The following SLC30A8 variants were observed in gnomAD, a reference collection of about 807,000 sequenced individuals.
SLC30A8 encodes the protein solute carrier family 30 member 8.
Under a neutral mutation model 36.9 loss-of-function variants are expected in SLC30A8, and 27 were observed. The observed-to-expected ratio is 0.73, with a 90% confidence interval of 0.54 to 1.01. The LOEUF (loss-of-function observed/expected upper bound fraction) is 1.01, where lower values mean the gene tolerates loss of function less well. SLC30A8 is among the 50% of genes least tolerant of loss of function. The pLI, the probability that SLC30A8 is intolerant of heterozygous loss-of-function variation, is 0.00. For synonymous variants in SLC30A8, 164 were observed against 172.4 expected, an observed-to-expected ratio of 0.95 and a Z score of 0.38; for missense variants, 439 against 452.0, an observed-to-expected ratio of 0.97 and a Z score of 0.26.
At chr8:117,091,909 G>A (rs1170019211) in intron 2 of SLC30A8, among the ~76,000 whole-genome samples, 2 of 152,256 alleles carry the variant, frequency 1.3e-5, no homozygotes, top group Non-Finnish European at 2.9e-5. Context: ...AATGCACACA[G>A]GGTCCTCACT....
At chr8:117,061,175 A>C (rs942917003) in intron 2 of SLC30A8, among the ~76,000 whole-genome samples, 1 of 152,234 alleles carries the variant, frequency 6.6e-6, no homozygotes, top group African/African-American at 2.4e-5. Context: ...GTCCTTTTTC[A>C]GTGATTCTCA....
At chr8:117,172,376 G>A (rs1448118745) in intron 7 of SLC30A8, among the ~76,000 whole-genome samples, 160 bp from the exon 8 acceptor site, 1 of 152,146 alleles carries the variant, frequency 6.6e-6, no homozygotes, top group South Asian at 2.1e-4. Context: ...CCTTGTCTGT[G>A]TGAATGTAGC....
chr8:116,983,885 C>A (rs942445928), intron 1 of SLC30A8, among the ~76,000 whole-genome samples: 3 of 152,068 alleles, frequency 2.0e-5, no homozygotes, highest in South Asian at 4.1e-4. Flanking sequence ...CAGTCCTGTG[C>A]AATTTTTATC....
chr8:117,137,140 A>G (rs1821401777), intron 1 of SLC30A8, among the ~76,000 whole-genome samples: 1 of 151,838 alleles, frequency 6.6e-6, no homozygotes, highest in Admixed American at 6.6e-5. Flanking sequence ...GTACCCATAC[A>G]TGCACCATGT....
At chr8:116,950,581 T>C (rs1267318359), upstream of SLC30A8, 5 of 152,320 alleles carry the variant, frequency 3.3e-5, no homozygotes, top group Admixed American at 2.6e-4. Flanking sequence ...AAACTGTTTA[T>C]CAGCTCTTAA....
rs769641171 is a variant in SLC30A8, at chr8:117,171,063, G to A, written c.859G>A (p.Val287Met). Reference sequence around the variant, plus strand: ...GCCAAAGAGCCTGAATTACAGTGGTGTGAAAGAGCTTATTTTAGCAGTCGA... The same window carrying A: ...GCCAAAGAGCCTGAATTACAGTGGTATGAAAGAGCTTATTTTAGCAGTCGA... ...GVPKSLNYSG[V>M]KELILAVDGV... The change falls in exon 7 of 8, where the codon GTG (valine) becomes ATG (methionine). Residue 287 changes from valine (V) to methionine (M), a missense_variant. Transcript: ENST00000456015. 2 of 1,610,352 alleles carry A rather than the reference G, an allele frequency of 1.2e-6. No individual in the cohort carries two copies. Among genetic ancestry groups the A allele is most frequent in the Non-Finnish European group, 1.7e-6 (2 of 1,178,230 alleles).
Position 117,175,365 on chromosome 8 carries a change from T to C in SLC30A8, c.*2684T>C, listed in dbSNP as rs1313809183. ...CCTACTTAAGATTTATCTAGGGCTC[T>C]GTGGTGATGTTAGGACCCATAAAAG... On this transcript the variant is annotated 3_prime_UTR_variant, in exon 8 of 8. Coordinates refer to ENST00000456015, the MANE Select transcript of SLC30A8 (RefSeq NM_173851.3). The C allele has an allele frequency of 3.9e-5, 6 of 152,146 alleles. No homozygotes were observed. Among genetic ancestry groups the C allele is most frequent in the Non-Finnish European group, 7.4e-5 (5 of 68,002 alleles). The allele number at this position is 152,146 out of a possible 1,614,324, so 9.4% of individuals were successfully genotyped here. A position where few individuals can be genotyped will look rare whatever the true frequency, so the allele number is the denominator to read the frequency against.
chr8:117,016,670 A>AT (rs1816530043), intron 1 of SLC30A8, among the ~76,000 whole-genome samples: 1 of 152,212 alleles, frequency 6.6e-6, no homozygotes, highest in Non-Finnish European at 1.5e-5. Context: ...GTTTACAGCT[A>AT]ACAAAAGATT....
upstream of SLC30A8, among the ~76,000 whole-genome samples, chr8:117,131,173 A>G (rs1821123145): frequency 6.6e-6 from 1 of 151,984 alleles, no homozygotes; most frequent in African/African-American, 2.4e-5. Flanking sequence ...AGTGTATAAA[A>G]TATTGGAAAT....
At chr8:117,171,903 G>A (rs1466896628) in intron 7 of SLC30A8, among the ~76,000 whole-genome samples, 1 of 152,044 alleles carries the variant, frequency 6.6e-6, no homozygotes, top group Non-Finnish European at 1.5e-5. Flanking sequence ...TTTGAAAACT[G>A]TGCTTTCTCA....
intron 4 of SLC30A8, among the ~76,000 whole-genome samples, chr8:117,160,446 TGC>T (rs1554592248): frequency 6.9e-6 from 1 of 144,516 alleles, no homozygotes; most frequent in South Asian, 2.2e-4. Context: ...CGCGCACATG[TGC>T]GCGCGGTGGG....
chr8:116,967,572 A>G (rs909290048), intron 1 of SLC30A8, among the ~76,000 whole-genome samples: 3 of 152,176 alleles, frequency 2.0e-5, no homozygotes, highest in Non-Finnish European at 4.4e-5. Context: ...AACATGTAAT[A>G]CTGTGTCTTT....
chr8:116,963,730 G>A (rs994719228), intron 1 of SLC30A8, among the ~76,000 whole-genome samples: 7 of 152,180 alleles, frequency 4.6e-5, no homozygotes, highest in African/African-American at 1.7e-4. Flanking sequence ...CTGTGTGCAA[G>A]TTTTCATTTG....
intron 2 of SLC30A8, among the ~76,000 whole-genome samples, chr8:117,124,686 C>T (rs963515468): frequency 2.1e-5 from 3 of 143,318 alleles, no homozygotes; most frequent in African/African-American, 5.2e-5. Context: ...CAGTGAATAA[C>T]GGTAAAGGAA....
intron 1 of SLC30A8, among the ~76,000 whole-genome samples, chr8:116,952,258 C>T (rs1465724614): frequency 6.6e-6 from 1 of 152,154 alleles, no homozygotes; most frequent in Non-Finnish European, 1.5e-5. Context: ...CCTCACAAGC[C>T]ATGCTTTGGG....
intron 2 of SLC30A8, among the ~76,000 whole-genome samples, chr8:117,115,849 G>A (rs1201763820): frequency 6.6e-6 from 1 of 152,044 alleles, no homozygotes; most frequent in Non-Finnish European, 1.5e-5. Flanking sequence ...CCATAGAGAG[G>A]AAATGCAGAT....
chr8:117,162,805 T>G (rs969064108), intron 5 of SLC30A8, among the ~76,000 whole-genome samples: 2 of 152,226 alleles, frequency 1.3e-5, no homozygotes, highest in African/African-American at 4.8e-5. Context: ...CACAGACTTT[T>G]CTGTGGCATA....
intron 2 of SLC30A8, among the ~76,000 whole-genome samples, chr8:117,108,735 A>C (rs1413817021): frequency 6.6e-6 from 1 of 152,126 alleles, no homozygotes; most frequent in Non-Finnish European, 1.5e-5. Context: ...TAATGACTTC[A>C]CTCTACAAAG....
intron 2 of SLC30A8, among the ~76,000 whole-genome samples, chr8:117,068,954 C>A (rs1488185599): frequency 6.6e-6 from 1 of 152,146 alleles, no homozygotes; most frequent in Non-Finnish European, 1.5e-5. Context: ...CTTTAACTGT[C>A]AACTCTCACT....
Sources: gnomAD v4.1 joint callset for allele counts (sites outside exome capture counted in the v4.1 genomes callset) on GRCh38, gnomAD v4.1.1 for gene constraint, MANE v1.5 for transcripts, NCBI Gene and HGNC (gene_info 2026-07-23, HGNC 2026-07-21) for gene names.